ADAMTSL1: variants seen among roughly 807,000 people sequenced by gnomAD.
The protein encoded by ADAMTSL1 is ADAMTS like 1.
A neutral mutation model predicts 201.8 loss-of-function variants in ADAMTSL1; 126 were observed. The ratio of observed to expected loss-of-function variants is 0.62; its 90% confidence interval spans 0.54 to 0.72. ADAMTSL1 has a LOEUF of 0.72. ADAMTSL1 is among the 30% of genes least tolerant of loss of function. The pLI, the probability that ADAMTSL1 is intolerant of heterozygous loss-of-function variation, is 0.00. For missense variants in ADAMTSL1, 2,679 were observed against 2,277.8 expected (o/e 1.18, Z -3.59); for synonymous variants, 1,121 against 903.4 (o/e 1.24, Z -4.32).
chr9:18,225,497 G>C (rs1228721641), intron 2 of ADAMTSL1, among the ~76,000 whole-genome samples: 1 of 152,002 alleles, frequency 6.6e-6, no homozygotes, highest in African/African-American at 2.4e-5. Context: ...TTATTTTTTA[G>C]ATATATTTGT....
At chr9:18,350,964 A>C (rs1186755373) in intron 2 of ADAMTSL1, among the ~76,000 whole-genome samples, 2 of 152,210 alleles carry the variant, frequency 1.3e-5, no homozygotes, top group Non-Finnish European at 2.9e-5. Context: ...GTATATATGA[A>C]ATTAAATTTC....
chr9:18,881,402 T>C (rs1287946343), intron 23 of ADAMTSL1, among the ~76,000 whole-genome samples: 1 of 152,214 alleles, frequency 6.6e-6, no homozygotes, highest in Admixed American at 6.5e-5. Flanking sequence ...ATTAGCCTAA[T>C]TTTAATATTG....
intron 1 of ADAMTSL1, among the ~76,000 whole-genome samples, chr9:18,023,960 A>G (rs76546915): frequency 1.3e-5 from 2 of 152,138 alleles, no homozygotes; most frequent in African/African-American, 2.4e-5. Context: ...AAGATATTCA[A>G]TTAAAGTACT....
intron 1 of ADAMTSL1, among the ~76,000 whole-genome samples, chr9:18,487,156 G>GA (rs1822039864): frequency 6.6e-6 from 1 of 151,992 alleles, no homozygotes; most frequent in African/African-American, 2.4e-5. Context: ...AACATGATTT[G>GA]AAAAAATAAC....
intron 1 of ADAMTSL1, among the ~76,000 whole-genome samples, chr9:17,998,126 A>C (rs1047444211): frequency 2.0e-5 from 3 of 152,106 alleles, no homozygotes; most frequent in African/African-American, 7.2e-5. Flanking sequence ...AAGCTAAAAA[A>C]AAGCCAATTT....
At chr9:18,335,394 C>G (rs1459415125) in intron 2 of ADAMTSL1, among the ~76,000 whole-genome samples, 3 of 151,924 alleles carry the variant, frequency 2.0e-5, no homozygotes, top group African/African-American at 4.8e-5. Flanking sequence ...ACTCCTGGTT[C>G]TATATTTACC....
intron 1 of ADAMTSL1, among the ~76,000 whole-genome samples, chr9:18,041,526 CATG>C (rs1821425536): frequency 6.6e-6 from 1 of 152,116 alleles, no homozygotes. Flanking sequence ...AAAATTCAGA[CATG>C]ATGATTAAAT....
chr9:18,206,998 C>G (rs140224520), intron 2 of ADAMTSL1, among the ~76,000 whole-genome samples: 95 of 152,086 alleles, frequency 6.2e-4, no homozygotes, highest in Middle Eastern at 3.4e-3. Context: ...AACCCCGTCT[C>G]TACTAAAAAT....
chr9:18,715,220 G>A lies in ADAMTSL1; in HGVS notation c.1877-6316G>A, dbSNP rs539271626. Among the ~76,000 whole-genome samples the A allele has an allele frequency of 4.5e-3, 672 of 149,746 alleles. 3 individuals are homozygous for A. Among genetic ancestry groups the A allele is most frequent in the African/African-American group, 0.016 (643 of 40,908 alleles). On this transcript the variant is annotated intron_variant, in intron 14 of 28. Transcript: ENST00000380548. ...TCTCACCACTCCTATTCAACATAGT[G>A]TTGGAAGTTCTGGCCAGGGCAATTA...
intron 20 of ADAMTSL1, among the ~76,000 whole-genome samples, chr9:18,806,207 T>C (rs1823107790): frequency 6.6e-6 from 1 of 152,168 alleles, no homozygotes; most frequent in Non-Finnish European, 1.5e-5. Flanking sequence ...CCTATAAATA[T>C]ATGATGGGTA....
chr9:18,027,616 G>T (rs1820759619), intron 1 of ADAMTSL1, among the ~76,000 whole-genome samples: 1 of 151,934 alleles, frequency 6.6e-6, no homozygotes, highest in Non-Finnish European at 1.5e-5. Flanking sequence ...AATTCACTGA[G>T]TTTTGCTTTA....
intron 2 of ADAMTSL1, among the ~76,000 whole-genome samples, chr9:18,180,797 T>C (rs569939837): frequency 6.6e-6 from 1 of 152,196 alleles, no homozygotes; most frequent in East Asian, 1.9e-4. Context: ...TTAAACTTCA[T>C]ATGGAACCAA....
intron 2 of ADAMTSL1, among the ~76,000 whole-genome samples, chr9:18,408,270 A>G (rs945805447): frequency 2.0e-5 from 3 of 152,162 alleles, no homozygotes; most frequent in Admixed American, 6.5e-5. Context: ...GAAGTTTGAG[A>G]CCAACCTGGC....
Position 18,106,417 on chromosome 9 carries a change from G to A in ADAMTSL1, c.88-57445G>A, listed in dbSNP as rs1389383913. ...AGAGAGAGCTTTGTTTGCCCACACA[G>A]CATTTCTCAATGGAACCCCTGAGGC... On this transcript the variant is annotated intron_variant, in intron 1 of 29. Transcript: ENST00000680146. Among the ~76,000 whole-genome samples, 4 of 152,166 alleles carry A rather than the reference G, an allele frequency of 2.6e-5. No individual in the cohort carries two copies. The East Asian group carries it at 7.7e-4, about 29-fold the overall frequency.
intron 3 of ADAMTSL1, among the ~76,000 whole-genome samples, chr9:18,544,554 G>C (rs76336141): frequency 0.018 from 2,791 of 152,142 alleles, 66 homozygotes; most frequent in African/African-American, 0.058. Flanking sequence ...GAGACCACGA[G>C]AGCGGGGTTT....
At chr9:18,715,300 C>A (rs1379749242) in intron 14 of ADAMTSL1, among the ~76,000 whole-genome samples, 12 of 151,646 alleles carry the variant, frequency 7.9e-5, no homozygotes, top group Non-Finnish European at 1.6e-4. Context: ...GTCAAATTAT[C>A]CCTGTTTGAA....
At chr9:18,159,242 T>C (rs1827285048) in intron 1 of ADAMTSL1, among the ~76,000 whole-genome samples, 1 of 151,970 alleles carries the variant, frequency 6.6e-6, no homozygotes, top group African/African-American at 2.4e-5. Flanking sequence ...GTCCTTTTGG[T>C]AGGAAAAAAA....
chr9:18,584,600 A>C (rs1166855313), intron 4 of ADAMTSL1, among the ~76,000 whole-genome samples: 1 of 148,712 alleles, frequency 6.7e-6, no homozygotes, highest in Non-Finnish European at 1.5e-5. Context: ...CTAAGGCCTC[A>C]CCAGAGTTAC....
intron 1 of ADAMTSL1, among the ~76,000 whole-genome samples, chr9:18,110,389 G>C (rs1017546792): frequency 6.6e-6 from 1 of 152,106 alleles, no homozygotes; most frequent in African/African-American, 2.4e-5. Flanking sequence ...TGCAAGACTA[G>C]GCAGGTTTAG....
Sources: gnomAD v4.1 joint callset for allele counts (sites outside exome capture counted in the v4.1 genomes callset) on GRCh38, gnomAD v4.1.1 for gene constraint, MANE v1.5 for transcripts, NCBI Gene and HGNC (gene_info 2026-07-23, HGNC 2026-07-21) for gene names.